CDH4: variants seen among roughly 807,000 people sequenced by gnomAD.
The protein encoded by CDH4 is cadherin 4, also known as cadherin-4.
In CDH4, 33 loss-of-function variants were observed where a neutral mutation model predicts 86.0. That is an observed-to-expected ratio of 0.38 (90% confidence interval 0.29 to 0.51). The LOEUF is 0.51. CDH4 is among the 20% of genes least tolerant of loss of function. The probability of loss-of-function intolerance (pLI) is 0.86; values close to 1 mark genes in which losing one functional copy is unlikely to be tolerated. For synonymous variants in CDH4, 555 were observed against 549.4 expected (o/e 1.01, Z -0.14); for missense variants, 1,114 against 1,307.4 (o/e 0.85, Z 2.28).
chr20:61,863,178 G>T (rs1983402724), intron 6 of CDH4, among the ~76,000 whole-genome samples: 1 of 152,250 alleles, frequency 6.6e-6, no homozygotes, highest in African/African-American at 2.4e-5. Flanking sequence ...CCGAGAAAGA[G>T]CCGAGCCTGG....
chr20:61,452,758 G>A (rs1348591159), intron 2 of CDH4, among the ~76,000 whole-genome samples: 1 of 152,128 alleles, frequency 6.6e-6, no homozygotes, highest in East Asian at 1.9e-4. Context: ...GGCCTTGCAG[G>A]CCTTGTGATT....
rs1310588208 is a variant in CDH4, at chr20:61,377,235, A to G, written c.169+122298A>G. ...AAGTTTGCAGAAGTGGAATAGAGGC[A>G]TGGGGGGCTCTGGTGAGGGGCAGTG... On this transcript the variant is annotated intron_variant, in intron 2 of 15. Transcript: ENST00000614565. The surrounding 1 kb of genome is among the most constrained non-coding windows in gnomAD (Gnocchi z 4.0). Among the ~76,000 whole-genome samples the G allele has an allele frequency of 6.6e-6, 1 of 152,162 alleles. No homozygotes were observed. The highest frequency in any genetic ancestry group is 1.5e-5 in the Non-Finnish European group (1 of 68,012).
intron 2 of CDH4, among the ~76,000 whole-genome samples, chr20:61,723,879 G>A (rs1208456438): frequency 4.6e-5 from 7 of 151,928 alleles, no homozygotes; most frequent in African/African-American, 1.7e-4. Context: ...CATGCGGCAG[G>A]TGGGGTGGGT....
At chr20:61,924,222 A>G (rs2055019407) in intron 10 of CDH4, 112 bp from the exon 11 acceptor site, 1 of 1,096,260 alleles carries the variant, frequency 9.1e-7, no homozygotes, top group South Asian at 1.5e-5. Context: ...CCAAGGAGAC[A>G]GAGACACTGG....
intron 2 of CDH4, among the ~76,000 whole-genome samples, chr20:61,284,883 A>C (rs1228360067): frequency 6.6e-6 from 1 of 152,242 alleles, no homozygotes; most frequent in Non-Finnish European, 1.5e-5. Context: ...GGTGAAAAGC[A>C]GCCTTAGGAG....
chr20:61,335,747 C>G (rs2084613566), intron 2 of CDH4, among the ~76,000 whole-genome samples: 1 of 152,148 alleles, frequency 6.6e-6, no homozygotes, highest in African/African-American at 2.4e-5. Context: ...GTGCCGAAGG[C>G]TCAGGGTGTG....
chr20:61,583,345 A>G (rs2086446201), intron 2 of CDH4, among the ~76,000 whole-genome samples: 3 of 151,726 alleles, frequency 2.0e-5, no homozygotes, highest in African/African-American at 7.3e-5. Context: ...AGAGGTGGCC[A>G]GGTGGCCAGA....
chr20:61,924,354 C>T lies in CDH4; in HGVS notation c.1649C>T (p.Pro550Leu). 6.2e-7 allele frequency: 1 copy of T among 1,613,734 alleles called. No individual in the cohort carries two copies. The highest frequency in any genetic ancestry group is 1.3e-5 in the African/African-American group (1 of 75,024). Residue 550 changes from proline to leucine, a missense_variant, in exon 11 of 16, where the codon CCA (proline) becomes CTA (leucine). Coordinates refer to ENST00000614565, the MANE Select transcript of CDH4 (RefSeq NM_001794.5). ...CGCAGATACTCAAAGCTGTCAGACC[C>T]AGCGAGCTGGCTGCACATCAATGCC... ...QAVRYSKLSD[P>L]ASWLHINATN...
intron 2 of CDH4, among the ~76,000 whole-genome samples, chr20:61,580,379 C>G (rs556888973): frequency 1.3e-5 from 2 of 152,246 alleles, no homozygotes; most frequent in African/African-American, 4.8e-5. Flanking sequence ...TGCTGGCCAC[C>G]CGGGAGGTGG....
chr20:61,566,599 C>T (rs1241543975), intron 2 of CDH4, among the ~76,000 whole-genome samples: 2 of 152,132 alleles, frequency 1.3e-5, no homozygotes, highest in South Asian at 2.1e-4. Context: ...TGACATCCTG[C>T]AGGACGGGAC....
intron 4 of CDH4, among the ~76,000 whole-genome samples, chr20:61,790,441 CATT>C: frequency 6.6e-6 from 1 of 151,862 alleles, no homozygotes; most frequent in East Asian, 1.9e-4. Context: ...TCCATCCATC[CATT>C]CATCCATCCA....
At chr20:61,565,260 G>GGTCCTCT (rs1312523506) in intron 2 of CDH4, among the ~76,000 whole-genome samples, 3 of 101,790 alleles carry the variant, frequency 2.9e-5, no homozygotes, top group African/African-American at 1.2e-4. Flanking sequence ...CTTGGTGATG[G>GGTCCTCT]TGGTGGTGGT....
intron 2 of CDH4, among the ~76,000 whole-genome samples, chr20:61,628,352 G>C (rs1357574091): frequency 6.6e-6 from 1 of 152,088 alleles, no homozygotes; most frequent in African/African-American, 2.4e-5. Context: ...TGCTCAGCCG[G>C]TCACTGCTCT....
chr20:61,283,570 A>G (rs113974932), intron 2 of CDH4, among the ~76,000 whole-genome samples: 2,742 of 39,342 alleles, frequency 0.07, 288 homozygotes, highest in Admixed American at 0.11. Context: ...ATGTAGGTGC[A>G]TTTGCACGTG....
At chr20:61,841,734 T>TGTGTGCAC (rs1203648372) in intron 4 of CDH4, among the ~76,000 whole-genome samples, 1 of 151,890 alleles carries the variant, frequency 6.6e-6, no homozygotes, top group East Asian at 2.0e-4. Context: ...AGACTGTGAG[T>TGTGTGCAC]GTGTGCACAT....
intron 2 of CDH4, among the ~76,000 whole-genome samples, chr20:61,561,538 T>C (rs2086216662): frequency 6.6e-6 from 1 of 152,210 alleles, no homozygotes; most frequent in South Asian, 2.1e-4. Context: ...GAGAATCTGG[T>C]AGAAAACACA....
intron 2 of CDH4, among the ~76,000 whole-genome samples, chr20:61,451,380 T>C (rs1185552659): frequency 2.0e-5 from 3 of 152,194 alleles, no homozygotes; most frequent in African/African-American, 7.2e-5. Flanking sequence ...TCAGGTAGGA[T>C]TGTTGCTTAC....
intron 2 of CDH4, among the ~76,000 whole-genome samples, chr20:61,423,112 C>T (rs1205862935): frequency 6.6e-6 from 1 of 152,082 alleles, no homozygotes; most frequent in Non-Finnish European, 1.5e-5. Context: ...TACCTCGGGG[C>T]AGGGCAGAGA....
intron 2 of CDH4, among the ~76,000 whole-genome samples, chr20:61,735,146 C>T (rs931420354): frequency 6.6e-6 from 1 of 152,084 alleles, no homozygotes; most frequent in Non-Finnish European, 1.5e-5. Context: ...AAGCTGTGGC[C>T]GGCACTCGGG....
Sources: allele counts gnomAD v4.1 joint callset (sites outside exome capture counted in the v4.1 genomes callset), GRCh38; gene constraint gnomAD v4.1.1; non-coding constraint Gnocchi (gnomAD v3.1); transcripts MANE v1.5; gene names NCBI Gene and HGNC (gene_info 2026-07-23, HGNC 2026-07-21).